Variants in SELENOF observed in about 807,000 individuals in gnomAD.
SELENOF encodes the protein selenoprotein F.
Under a neutral mutation model 20.5 loss-of-function variants are expected in SELENOF, and 16 were observed. That is an observed-to-expected ratio of 0.78 (90% CI 0.53 to 1.19). The LOEUF is 1.19. SELENOF is among the 50% of genes most tolerant of loss of function. The pLI is 0.00. For missense variants in SELENOF, 215 were observed against 194.2 expected (o/e 1.11, Z -0.64); for synonymous variants, 78 against 74.5 (o/e 1.05, Z -0.24).
chr1:86,912,272 T>G (rs1660003568), intron 1 of SELENOF, among the ~76,000 whole-genome samples: 1 of 152,214 alleles, frequency 6.6e-6, no homozygotes, highest in African/African-American at 2.4e-5. Context: ...TTTCAGTAAT[T>G]CCCTGGATAT....
intron 3 of SELENOF, among the ~76,000 whole-genome samples, chr1:86,869,749 C>CT (rs951171973): frequency 5.3e-5 from 8 of 150,096 alleles, no homozygotes; most frequent in African/African-American, 2.0e-4. Context: ...TCTTTTCTTT[C>CT]TTTCTTTCTT....
intron 1 of SELENOF, among the ~76,000 whole-genome samples, chr1:86,909,902 G>A (rs377162746): frequency 2.6e-5 from 4 of 152,210 alleles, no homozygotes; most frequent in Non-Finnish European, 4.4e-5. Context: ...CTACTCGGGA[G>A]GCTGATGCAG....
chr1:86,866,195 CAAA>C (rs762072945), intron 4 of SELENOF, among the ~76,000 whole-genome samples: 11 of 27,648 alleles, frequency 4.0e-4, no homozygotes, highest in South Asian at 1.2e-3. Flanking sequence ...AGACCATGTC[CAAA>C]AAAAAAAAAA....
At chr1:86,866,226 G>GTCTCTC (rs1330191596) in intron 4 of SELENOF, among the ~76,000 whole-genome samples, 1 of 107,808 alleles carries the variant, frequency 9.3e-6, no homozygotes, top group African/African-American at 4.5e-5. Flanking sequence ...AAAAGTGTGT[G>GTCTCTC]TCTCTGTGTG....
chr1:86,902,848 T>A (rs1659735736), intron 2 of SELENOF, among the ~76,000 whole-genome samples: 1 of 152,226 alleles, frequency 6.6e-6, no homozygotes, highest in African/African-American at 2.4e-5. Context: ...CAGTCCATAT[T>A]CTTTTTAACC....
At chr1:86,900,112 C>T (rs1659652148) in intron 2 of SELENOF, among the ~76,000 whole-genome samples, 3 of 151,262 alleles carry the variant, frequency 2.0e-5, no homozygotes, top group Admixed American at 1.3e-4. Flanking sequence ...GACTGGGCAG[C>T]CAGGCAGAGG....
chr1:86,870,550 CTA>C (rs1378580051), intron 3 of SELENOF, among the ~76,000 whole-genome samples: 1 of 152,192 alleles, frequency 6.6e-6, no homozygotes, highest in Non-Finnish European at 1.5e-5. Context: ...GGTAAAAGGA[CTA>C]TTTTTATACA....
intron 2 of SELENOF, among the ~76,000 whole-genome samples, chr1:86,898,275 A>T (rs1659576669): frequency 6.6e-6 from 1 of 152,218 alleles, no homozygotes; most frequent in South Asian, 2.1e-4. Flanking sequence ...TTTATGATCA[A>T]AACTGGAAGG....
At chr1:86,889,195 T>C (rs897047245) in intron 2 of SELENOF, among the ~76,000 whole-genome samples, 1 of 152,206 alleles carries the variant, frequency 6.6e-6, no homozygotes, top group African/African-American at 2.4e-5. Context: ...ACTCTGTCAA[T>C]ATACTATTTT....
rs531865941 is a variant in SELENOF at position 86,891,510 on chromosome 1, G to T, written c.253-10785C>A. The stretch of plus-strand genomic sequence containing the variant: ...TAAGGCAGTTTGAATTACTTTAAGG[G>T]TTTATTTTCGTTTTGAGCATTGCAG... On this transcript the variant is annotated intron_variant, in intron 2 of 4. Transcript: ENST00000331835. 2.6e-5 allele frequency among the ~76,000 whole-genome samples: 4 copies of T among 152,262 alleles called. 1 individual carries two copies. The South Asian group carries it at 8.3e-4, about 32-fold the overall frequency.
chr1:86,876,530 G>A (rs193073770), intron 3 of SELENOF, among the ~76,000 whole-genome samples: 38 of 152,156 alleles, frequency 2.5e-4, no homozygotes, highest in Non-Finnish European at 8.8e-5. Context: ...TTGGTTTAAG[G>A]TACCTATGAA....
intron 2 of SELENOF, among the ~76,000 whole-genome samples, chr1:86,901,979 G>T (rs1659715023): frequency 6.6e-6 from 1 of 152,134 alleles, no homozygotes; most frequent in Non-Finnish European, 1.5e-5. Context: ...AGTGAAAAAG[G>T]ATGTTGGTTG....
intron 4 of SELENOF, among the ~76,000 whole-genome samples, chr1:86,866,607 C>T (rs771855234): frequency 6.6e-6 from 1 of 151,994 alleles, no homozygotes. Context: ...TAAGATTGTA[C>T]ATTTAATATT....
chr1:86,872,203 T>C (rs1658790968), intron 3 of SELENOF, among the ~76,000 whole-genome samples: 2 of 152,216 alleles, frequency 1.3e-5, no homozygotes, highest in African/African-American at 4.8e-5. Context: ...TTTCCTGATT[T>C]TGAAGGTAAA....
At chr1:86,880,540 A>T in intron 3 of SELENOF, 122 bp downstream of exon 3, 1 of 545,392 alleles carries the variant, frequency 1.8e-6, no homozygotes, top group East Asian at 3.3e-5. Flanking sequence ...AAAAAAAAGC[A>T]TATATTGTTA....
chr1:86,901,947 G>A (rs1659714629), intron 2 of SELENOF, among the ~76,000 whole-genome samples: 1 of 152,112 alleles, frequency 6.6e-6, no homozygotes, highest in African/African-American at 2.4e-5. Flanking sequence ...TTGTTCTTCA[G>A]TCCTTCTGAG....
At position 86,913,234 on chromosome 1, in the gene SELENOF, T is replaced by A. The variant is rs141852394; in HGVS notation, c.84+794A>T. Among the ~76,000 whole-genome samples, 4 of 152,224 alleles carry A rather than the reference T, an allele frequency of 2.6e-5. No individual in the cohort carries two copies. In the East Asian group the frequency reaches 7.7e-4, roughly 29 times the overall value. On this transcript the variant is annotated intron_variant, in intron 1 of 4. Coordinates refer to ENST00000331835, the MANE Select transcript of SELENOF (RefSeq NM_004261.5). ...TCCTTATTAGAGACTACCCGAAGAA[T>A]TAAGCTAGGATAAAAAAACGTAAAA...
chr1:86,899,768 G>A (rs369068944), intron 2 of SELENOF, among the ~76,000 whole-genome samples: 35,244 of 143,658 alleles, frequency 0.25, 4,878 homozygotes, highest in African/African-American at 0.42. Flanking sequence ...GCTGCCGGGC[G>A]GAGGGGCTCC....
At chr1:86,869,210 T>TA (rs1319351388) in intron 3 of SELENOF, among the ~76,000 whole-genome samples, 3 of 152,190 alleles carry the variant, frequency 2.0e-5, no homozygotes, top group Non-Finnish European at 4.4e-5. Context: ...AAAATGTACG[T>TA]ACTTTGTAAA....
Sources: gnomAD v4.1 joint callset for allele counts (sites outside exome capture counted in the v4.1 genomes callset) on GRCh38, gnomAD v4.1.1 for gene constraint, MANE v1.5 for transcripts, NCBI Gene and HGNC (gene_info 2026-07-23, HGNC 2026-07-21) for gene names.